FBXL14: variants seen among roughly 807,000 people sequenced by gnomAD.
FBXL14 encodes the protein F-box and leucine rich repeat protein 14, also known as F-box/LRR-repeat protein 14.
In FBXL14, 11 loss-of-function variants were observed where a neutral mutation model predicts 24.5. The ratio of observed to expected loss-of-function variants is 0.45; its 90% confidence interval spans 0.28 to 0.74. FBXL14 has a LOEUF of 0.74. Among genes scored for constraint, FBXL14 ranks in the 30% least tolerant of loss-of-function variants. The pLI is 0.12. For missense variants in FBXL14, 384 were observed against 545.6 expected, an observed-to-expected ratio of 0.70 and a Z score of 2.95; for synonymous variants, 294 against 240.4, an observed-to-expected ratio of 1.22 and a Z score of -2.06.
chr12:1,588,956 G>C (rs2154438295), intron 1 of FBXL14, among the ~76,000 whole-genome samples: 1 of 151,664 alleles, frequency 6.6e-6, no homozygotes, highest in East Asian at 1.9e-4. Flanking sequence ...TCCCTTTGAA[G>C]TACTGCCCTA....
upstream of FBXL14, among the ~76,000 whole-genome samples, chr12:1,594,807 G>A (rs2094498488): frequency 1.3e-5 from 2 of 151,078 alleles, no homozygotes; most frequent in Admixed American, 6.6e-5. Flanking sequence ...GGCCGGCCCC[G>A]GCTCCGCCGC....
chr12:1,594,799 C>T (rs1427646071), upstream of FBXL14, among the ~76,000 whole-genome samples: 1 of 151,056 alleles, frequency 6.6e-6, no homozygotes, highest in Admixed American at 6.6e-5. Context: ...AGCGCCCGGG[C>T]CGGCCCCGGC....
Position 1,593,495 on chromosome 12 carries a change from G to A in FBXL14, c.572C>T (p.Ala191Val). Residue 191 changes from alanine to valine, a missense_variant, in exon 1 of 2, where the codon GCC (alanine) becomes GTC (valine). Coordinates refer to ENST00000339235, the MANE Select transcript of FBXL14 (RefSeq NM_152441.3). This position sits in a 1 kb window ranked among gnomAD's most constrained non-coding sequence, Gnocchi z 7.4. The part of the protein sequence containing the change: ...HLSDVGIGHL[A>V]GMTRSAAEGC... ...CTCCGCCGCGCTGCGCGTCATGCCG[G>A]CCAGGTGCCCGATGCCCACATCCGA... is the stretch of plus-strand genomic sequence containing the variant. 1 of 1,613,730 alleles carries A rather than the reference G, an allele frequency of 6.2e-7. No homozygotes were observed. Among genetic ancestry groups the A allele is most frequent in the Non-Finnish European group, 8.5e-7 (1 of 1,179,948 alleles).
chr12:1,589,138 A>G (rs1469119888), intron 1 of FBXL14, among the ~76,000 whole-genome samples: 2 of 150,494 alleles, frequency 1.3e-5, no homozygotes, highest in Non-Finnish European at 3.0e-5. Context: ...CTGTAATCCC[A>G]GGACTTTGGG....
chr12:1,594,694 G>A (rs2094498139), upstream of FBXL14, among the ~76,000 whole-genome samples: 2 of 149,282 alleles, frequency 1.3e-5, no homozygotes, highest in Non-Finnish European at 3.0e-5. Context: ...GGCCACTTGG[G>A]AGCTGCCGGC....
At chr12:1,577,088 C>G (rs1051465495) in intron 1 of FBXL14, among the ~76,000 whole-genome samples, 1 of 152,190 alleles carries the variant, frequency 6.6e-6, no homozygotes, top group African/African-American at 2.4e-5. Flanking sequence ...CCTGGATAAA[C>G]TCCTCATCCT....
Position 1,593,660 on chromosome 12 carries a change from C to T in FBXL14, c.407G>A (p.Gly136Asp). 2 of 1,614,162 alleles carry T rather than the reference C, an allele frequency of 1.2e-6. No homozygotes were observed. Among genetic ancestry groups the T allele is most frequent in the Non-Finnish European group, 1.7e-6 (2 of 1,180,010 alleles). The change falls in exon 1 of 2, where the codon GGC becomes GAC. Residue 136 changes from glycine to aspartate, a missense_variant. Physicochemically the swap from Gly to Asp is moderately conservative, Grantham distance 94. Transcript: ENST00000339235. The surrounding 1 kb of genome is among the most constrained non-coding windows in gnomAD (Gnocchi z 7.4). ...LCKQITDSSLGRIAQYLKGLE... is the reference protein window; with the variant it reads ...LCKQITDSSLDRIAQYLKGLE... ...GCCCTTGAGGTACTGGGCTATGCGG[C>T]CCAGGCTGCTGTCAGTGATCTGCTT...
chr12:1,592,190 G>A (rs932772903), intron 1 of FBXL14, among the ~76,000 whole-genome samples: 6 of 139,064 alleles, frequency 4.3e-5, no homozygotes, highest in African/African-American at 1.6e-4. Context: ...ACATATATAT[G>A]TATATATATA....
chr12:1,568,862 A>G (rs1319355684), intron 1 of FBXL14, among the ~76,000 whole-genome samples: 1 of 152,154 alleles, frequency 6.6e-6, no homozygotes, highest in East Asian at 1.9e-4. Flanking sequence ...ATCTCAAAAA[A>G]CAAAAAAAGA....
Position 1,589,436 on chromosome 12 carries a change from CAAAA to C in FBXL14, c.1194+3433_1194+3436del, listed in dbSNP as rs71055169. 5.9e-5 allele frequency among the ~76,000 whole-genome samples: 2 copies of C among 34,060 alleles called. 1 individual carries two copies. The highest frequency in any genetic ancestry group is 3.1e-4 in the African/African-American group (2 of 6,452). 22.3% of individuals were successfully genotyped at this position (34,060 alleles called of 152,430 possible). ...AAAAAAAAAGATCAAGACCTTGTCT[CAAAA>C]AAAAAAAAAAAAAAAGACAGGAAGG... is the stretch of plus-strand genomic sequence containing the variant. On this transcript the variant is annotated intron_variant, in intron 1 of 1. Coordinates refer to ENST00000339235, the MANE Select transcript of FBXL14 (RefSeq NM_152441.3).
chr12:1,591,878 A>G (rs1054657098), intron 1 of FBXL14, among the ~76,000 whole-genome samples: 2 of 152,084 alleles, frequency 1.3e-5, no homozygotes, highest in Non-Finnish European at 2.9e-5. Context: ...TCAAGACACA[A>G]TCTGCATCTC....
chr12:1,584,562 A>G (rs913446710), intron 1 of FBXL14, among the ~76,000 whole-genome samples: 9 of 152,230 alleles, frequency 5.9e-5, no homozygotes, highest in African/African-American at 2.2e-4. Context: ...TCAAGTGCAC[A>G]GACATCAGCT....
intron 1 of FBXL14, among the ~76,000 whole-genome samples, chr12:1,582,241 GAAAAA>G (rs2094468019): frequency 6.6e-6 from 1 of 151,760 alleles, no homozygotes; most frequent in East Asian, 1.9e-4. Context: ...AAGAAAGAAA[GAAAAA>G]GAAAAGAAAA....
rs931290431 is a variant in FBXL14, at chr12:1,594,180, C to CGCT, written c.-115_-114insAGC. ...CAGCCGCCGCCGCCGCCGCCGCCGC[C>CGCT]GCCTCGGGCCCAACGGCCGGCCCCT... On this transcript the variant is annotated 5_prime_UTR_variant, in exon 1 of 2. Coordinates refer to ENST00000339235, the MANE Select transcript of FBXL14 (RefSeq NM_152441.3). 20 of 878,666 alleles carry CGCT rather than the reference C, an allele frequency of 2.3e-5. No individual in the cohort carries two copies. Among genetic ancestry groups the CGCT allele is most frequent in the Non-Finnish European group, 2.8e-5 (19 of 686,664 alleles). 54.4% of individuals were successfully genotyped at this position (878,666 alleles called of 1,614,324 possible).
chr12:1,577,074 G>A (rs1264432620), intron 1 of FBXL14, among the ~76,000 whole-genome samples: 1 of 152,148 alleles, frequency 6.6e-6, no homozygotes, highest in African/African-American at 2.4e-5. Flanking sequence ...GGCTGTCAGC[G>A]CTGCCTGGAT....
At chr12:1,582,856 C>T (rs2094469333) in intron 1 of FBXL14, among the ~76,000 whole-genome samples, 1 of 152,146 alleles carries the variant, frequency 6.6e-6, no homozygotes, top group South Asian at 2.1e-4. Context: ...TGTTGAGTAC[C>T]AGGAGGGCAA....
chr12:1,571,950 A>G (rs2094446198), intron 1 of FBXL14, among the ~76,000 whole-genome samples: 1 of 152,254 alleles, frequency 6.6e-6, no homozygotes. Context: ...TAGTCCCTGG[A>G]GACCTCACCA....
intron 1 of FBXL14, among the ~76,000 whole-genome samples, chr12:1,581,594 C>G (rs1371946829): frequency 6.6e-6 from 1 of 152,114 alleles, no homozygotes; most frequent in Non-Finnish European, 1.5e-5. Flanking sequence ...AGCTTCCCGG[C>G]AGAAATGGGG....
rs201000076 is a variant in FBXL14, at chr12:1,592,924, C to T, written c.1143G>A (p.Pro381=). 72 of 1,607,244 alleles carry T rather than the reference C, an allele frequency of 4.5e-5. No individual in the cohort carries two copies. The highest frequency in any genetic ancestry group is 6.1e-5 in the Non-Finnish European group (72 of 1,175,540). Reference sequence around the variant, plus strand: ...GTCCCAGGTTGAGTACCTTGAGGCACGGCAGCTGCGTGATGCGCTCCAGGC... The same window carrying T: ...GTCCCAGGTTGAGTACCTTGAGGCATGGCAGCTGCGTGATGCGCTCCAGGC... ...KRGLERITQL[P]CLKVLNLGLW... is the part of the protein sequence containing the mutation. The change falls in exon 1 of 2, where the codon CCG becomes CCA. Residue 381 remains proline (P), a synonymous_variant. Transcript: ENST00000339235.
Sources: allele counts gnomAD v4.1 joint callset (sites outside exome capture counted in the v4.1 genomes callset), GRCh38; gene constraint gnomAD v4.1.1; non-coding constraint Gnocchi (gnomAD v3.1); transcripts MANE v1.5; gene names NCBI Gene and HGNC (gene_info 2026-07-23, HGNC 2026-07-21).